Variants in HEMK2 observed in about 807,000 individuals in gnomAD.
HEMK2 encodes the protein HemK methyltransferase 2, ETF1 glutamine and histone H4 lysine, also known as methyltransferase HEMK2.
the HEMK2 span, among the ~76,000 whole-genome samples, chr21:28,880,789 A>G: frequency 2.0e-5 from 3 of 151,434 alleles, no homozygotes; most frequent in African/African-American, 7.3e-5. Flanking sequence ...AAAAAAAATC[A>G]CCACGTTGAT....
At chr21:28,624,652 C>T in the HEMK2 span, among the ~76,000 whole-genome samples, 1 of 152,134 alleles carries the variant, frequency 6.6e-6, no homozygotes, top group Non-Finnish European at 1.5e-5. Context: ...TCTAGAGACT[C>T]TAGAGAAGGA....
chr21:28,699,334 T>G, the HEMK2 span, among the ~76,000 whole-genome samples: 1 of 152,158 alleles, frequency 6.6e-6, no homozygotes, highest in African/African-American at 2.4e-5. Context: ...TGGTGTGTGG[T>G]GAGGGCCTGC....
chr21:28,746,960 G>A, the HEMK2 span, among the ~76,000 whole-genome samples: 2 of 152,138 alleles, frequency 1.3e-5, no homozygotes, highest in African/African-American at 2.4e-5. Context: ...AGATCACTCC[G>A]GCTGCTCCAT....
the HEMK2 span, among the ~76,000 whole-genome samples, chr21:28,782,787 T>C: frequency 5.2e-3 from 791 of 152,334 alleles, 5 homozygotes; most frequent in African/African-American, 0.017. Flanking sequence ...TCTGTGAATA[T>C]AGTAAAAGCC....
the HEMK2 span, among the ~76,000 whole-genome samples, chr21:28,667,708 C>G: frequency 6.6e-6 from 1 of 152,122 alleles, no homozygotes; most frequent in Non-Finnish European, 1.5e-5. Context: ...TTTAAAAACA[C>G]TATTCTAGAG....
the HEMK2 span, among the ~76,000 whole-genome samples, chr21:28,648,571 G>A: frequency 6.6e-6 from 1 of 152,146 alleles, no homozygotes; most frequent in Non-Finnish European, 1.5e-5. Context: ...TTAAGTTGAT[G>A]AGTCAAAGAA....
chr21:28,755,547 A>G, the HEMK2 span, among the ~76,000 whole-genome samples: 1 of 152,212 alleles, frequency 6.6e-6, no homozygotes, highest in Non-Finnish European at 1.5e-5. Flanking sequence ...CTTCTGTGGG[A>G]AGAGCTCTGG....
At chr21:28,606,596 T>A in the HEMK2 span, among the ~76,000 whole-genome samples, 1 of 152,248 alleles carries the variant, frequency 6.6e-6, no homozygotes, top group African/African-American at 2.4e-5. Context: ...GCTGATGATG[T>A]CCTAAATGGA....
At chr21:28,759,105 C>T in the HEMK2 span, among the ~76,000 whole-genome samples, 1 of 152,228 alleles carries the variant, frequency 6.6e-6, no homozygotes, top group Non-Finnish European at 1.5e-5. Flanking sequence ...GCACAAGGCT[C>T]TGTGCTCCAG....
chr21:28,751,379 C>A, the HEMK2 span, among the ~76,000 whole-genome samples: 2,605 of 152,246 alleles, frequency 0.017, 64 homozygotes, highest in East Asian at 0.065. Context: ...AACCCACTAT[C>A]ATTCTGAATG....
chr21:28,594,272 G>A, the HEMK2 span, among the ~76,000 whole-genome samples: 1 of 152,148 alleles, frequency 6.6e-6, no homozygotes, highest in South Asian at 2.1e-4. Context: ...GTGATATCAT[G>A]TATGAAATTC....
the HEMK2 span, among the ~76,000 whole-genome samples, chr21:28,824,313 C>A: frequency 2.6e-5 from 4 of 152,200 alleles, no homozygotes; most frequent in Admixed American, 2.6e-4. Context: ...GAATTTACGA[C>A]AGGAAGAAAT....
the HEMK2 span, among the ~76,000 whole-genome samples, chr21:28,815,352 T>C: frequency 6.6e-6 from 1 of 151,474 alleles, no homozygotes; most frequent in Admixed American, 6.6e-5. Context: ...TGTGCACATG[T>C]ACCCTAAAAC....
At chr21:28,705,398 C>G in the HEMK2 span, among the ~76,000 whole-genome samples, 4 of 152,134 alleles carry the variant, frequency 2.6e-5, no homozygotes, top group African/African-American at 9.7e-5. Flanking sequence ...GGCTACCTTC[C>G]TAACTCATTC....
the HEMK2 span, among the ~76,000 whole-genome samples, chr21:28,662,517 G>T: frequency 1.3e-5 from 2 of 152,090 alleles, no homozygotes; most frequent in Non-Finnish European, 2.9e-5. Context: ...AACTAATATG[G>T]TTTGGCTGTG....
the HEMK2 span, among the ~76,000 whole-genome samples, chr21:28,734,313 G>A: frequency 5.9e-5 from 9 of 152,268 alleles, 2 homozygotes; most frequent in African/African-American, 2.2e-4. Flanking sequence ...CTGACAGCAT[G>A]AGTACACCAC....
chr21:28,858,559 G>A, the HEMK2 span, among the ~76,000 whole-genome samples: 2 of 151,874 alleles, frequency 1.3e-5, no homozygotes, highest in Non-Finnish European at 2.9e-5. Flanking sequence ...AGGGAGGGAG[G>A]AAAGGAGGAA....
the HEMK2 span, among the ~76,000 whole-genome samples, chr21:28,758,056 G>A: frequency 3.3e-5 from 5 of 152,310 alleles, no homozygotes; most frequent in African/African-American, 1.2e-4. Context: ...GGCAGAGGAT[G>A]TATAACGGAT....
the HEMK2 span, among the ~76,000 whole-genome samples, chr21:28,794,483 G>A: frequency 6.6e-6 from 1 of 152,286 alleles, no homozygotes; most frequent in South Asian, 2.1e-4. Context: ...TGGAAGGTAT[G>A]CAAACACTAA....
Sources: allele counts gnomAD v4.1 joint callset (sites outside exome capture counted in the v4.1 genomes callset), GRCh38; gene constraint gnomAD v4.1.1; transcripts MANE v1.5; gene names NCBI Gene and HGNC (gene_info 2026-07-23, HGNC 2026-07-21).